The following GART variants were observed in gnomAD, a reference collection of about 807,000 sequenced individuals.
The protein encoded by GART is trifunctional purine biosynthetic protein adenosine-3.
A neutral mutation model predicts 107.2 loss-of-function variants in GART; 43 were observed. The ratio of observed to expected loss-of-function variants is 0.40; its 90% CI spans 0.31 to 0.52. GART has a LOEUF of 0.52. Among genes scored for constraint, GART ranks in the 20% least tolerant of loss-of-function variants. The pLI, the probability that GART is intolerant of heterozygous loss-of-function variation, is 0.52. For synonymous variants in GART, 434 were observed against 427.0 expected, an observed-to-expected ratio of 1.02 and a Z score of -0.20; for missense variants, 1,107 against 1,206.5, an observed-to-expected ratio of 0.92 and a Z score of 1.22.
At chr21:33,504,811 G>A (rs533272399) in intron 20 of GART, among the ~76,000 whole-genome samples, 140 of 152,280 alleles carry the variant, frequency 9.2e-4, no homozygotes, top group Middle Eastern at 3.4e-3. Flanking sequence ...CCAGCTTGTT[G>A]CTGGCACGTA....
In GART at chr21:33,511,242, G is replaced by A. The variant is rs1309051112; in HGVS notation, c.2314+10C>T. 1.2e-6 allele frequency: 2 copies of A among 1,613,750 alleles called. No homozygotes were observed. The highest frequency in any genetic ancestry group is 1.7e-6 in the Non-Finnish European group (2 of 1,179,682). On this transcript the variant is annotated intron_variant, in intron 17 of 21. Transcript: ENST00000381815. ...AATTATATATCTAAAAATGAGTAAG[G>A]AGCAAGTACCTTCAGCTCGTGCAAC...
chr21:33,536,549 T>A (rs562364281), intron 2 of GART, among the ~76,000 whole-genome samples: 1 of 152,244 alleles, frequency 6.6e-6, no homozygotes, highest in African/African-American at 2.4e-5. Flanking sequence ...GAACGCTATA[T>A]ATATAGTATG....
upstream of GART, chr21:33,542,809 A>C: frequency 1.9e-6 from 1 of 521,312 alleles, no homozygotes; most frequent in Non-Finnish European, 3.5e-6. Flanking sequence ...GGTCGCCTCA[A>C]GAGAGACGGC....
intron 12 of GART, among the ~76,000 whole-genome samples, chr21:33,521,631 CAAAA>C (rs571421187): frequency 3.7e-5 from 2 of 54,440 alleles, no homozygotes. Flanking sequence ...GACTTTGTCT[CAAAA>C]AAAAAAAAAA....
At chr21:33,533,098 T>C (rs1226295273) in intron 4 of GART, among the ~76,000 whole-genome samples, 1 of 152,176 alleles carries the variant, frequency 6.6e-6, no homozygotes, top group Non-Finnish European at 1.5e-5. Context: ...AATTGCTCAA[T>C]GCTTTCCACA....
chr21:33,506,529 T>C (rs771161986), intron 18 of GART, among the ~76,000 whole-genome samples: 25 of 152,156 alleles, frequency 1.6e-4, no homozygotes, highest in Admixed American at 1.3e-4. Context: ...ACTGGTGATA[T>C]GTGAGGCTTC....
intron 3 of GART, 55 bp downstream of exon 3, chr21:33,535,170 C>A: frequency 9.0e-7 from 1 of 1,105,048 alleles, no homozygotes; most frequent in South Asian, 1.7e-5. Flanking sequence ...TAGATGATCC[C>A]TAAGCTTCTG....
chr21:33,540,706 G>C (rs1045208619), intron 1 of GART, among the ~76,000 whole-genome samples: 5 of 152,092 alleles, frequency 3.3e-5, no homozygotes, highest in Non-Finnish European at 7.4e-5. Context: ...AAGACAAACT[G>C]GTAACAGGAA....
intron 11 of GART, chr21:33,524,545 A>G (rs1347599693): frequency 8.1e-7 from 1 of 1,230,480 alleles, no homozygotes; most frequent in Non-Finnish European, 1.0e-6. Flanking sequence ...AATCAGTACC[A>G]CTGTGATTTT....
intron 16 of GART, among the ~76,000 whole-genome samples, chr21:33,513,385 C>T (rs2084824444): frequency 6.6e-6 from 1 of 151,954 alleles, no homozygotes; most frequent in Non-Finnish European, 1.5e-5. Flanking sequence ...GCCTGGCCAA[C>T]ATGATGAAAC....
At chr21:33,524,594 C>T (rs372537508) in intron 11 of GART, 175 bp downstream of exon 11, 1 of 540,324 alleles carries the variant, frequency 1.9e-6, no homozygotes, top group Non-Finnish European at 2.3e-6. Flanking sequence ...GAAGTTTTTT[C>T]CATTTGAGTA....
intron 18 of GART, among the ~76,000 whole-genome samples, chr21:33,508,250 A>T (rs911758092): frequency 6.6e-6 from 1 of 152,198 alleles, no homozygotes; most frequent in African/African-American, 2.4e-5. Flanking sequence ...CTGATGAGAA[A>T]TAAGCTGCTT....
chr21:33,537,530 A>G (rs1219105604), intron 2 of GART, among the ~76,000 whole-genome samples: 1 of 152,210 alleles, frequency 6.6e-6, no homozygotes. Context: ...ATAGTGAAGT[A>G]AAAATAAACA....
chr21:33,510,070 C>T (rs950989846), intron 17 of GART, 150 bp from the exon 18 acceptor site: 2 of 660,534 alleles, frequency 3.0e-6, no homozygotes, highest in Non-Finnish European at 5.0e-6. Context: ...ACATTTGTAT[C>T]ACTTAACACT....
chr21:33,517,638 C>T (rs2084903066), intron 14 of GART, 30 bp from the exon 15 acceptor site: 1 of 1,611,522 alleles, frequency 6.2e-7, no homozygotes, highest in African/African-American at 1.3e-5. Flanking sequence ...ACAAAGAAAT[C>T]AGAGTATTTA....
chr21:33,525,324 T>C (rs1014003566), intron 10 of GART, among the ~76,000 whole-genome samples: 1 of 152,110 alleles, frequency 6.6e-6, no homozygotes, highest in Non-Finnish European at 1.5e-5. Context: ...TGCAGTGAGG[T>C]GTGATCGCAC....
chr21:33,532,182 C>T (rs1042448403), intron 5 of GART, 163 bp downstream of exon 5: 16 of 616,006 alleles, frequency 2.6e-5, no homozygotes, highest in Middle Eastern at 7.7e-4. Context: ...AAATCCATAA[C>T]TATTTTATAG....
chr21:33,527,950 C>T (rs749281731), intron 10 of GART, among the ~76,000 whole-genome samples: 1 of 152,192 alleles, frequency 6.6e-6, no homozygotes, highest in Non-Finnish European at 1.5e-5. Flanking sequence ...CCACTTATGT[C>T]TTCCTTGCAC....
At chr21:33,516,027 C>T (rs1017726679) in intron 16 of GART, among the ~76,000 whole-genome samples, 2 of 151,866 alleles carry the variant, frequency 1.3e-5, no homozygotes, top group Non-Finnish European at 2.9e-5. Flanking sequence ...GCGGGCGGAT[C>T]ACTTGAGGTC....
Sources: allele counts gnomAD v4.1 joint callset (sites outside exome capture counted in the v4.1 genomes callset), GRCh38; gene constraint gnomAD v4.1.1; transcripts MANE v1.5; gene names NCBI Gene and HGNC (gene_info 2026-07-23, HGNC 2026-07-21).